Variants in SOX6 observed in about 807,000 individuals in gnomAD.
The protein encoded by SOX6 is SRY-box transcription factor 6.
SOX6 carries 11 observed loss-of-function variants against 97.8 expected under a neutral mutation model. The observed-to-expected ratio is 0.11, with a 90% CI of 0.07 to 0.19. The LOEUF is 0.19. Among genes scored for constraint, SOX6 ranks in the 10% least tolerant of loss-of-function variants. The pLI is 1.00. For missense variants in SOX6, 810 were observed against 1,039.5 expected (o/e 0.78, Z 3.04); for synonymous variants, 360 against 371.4 (o/e 0.97, Z 0.35).
intron 2 of SOX6, among the ~76,000 whole-genome samples, chr11:16,321,052 A>T (rs1418919191): frequency 6.6e-6 from 1 of 152,110 alleles, no homozygotes. Context: ...GATGCCAGTC[A>T]TGGCTAGTAT....
At chr11:16,391,597 T>C (rs980605348) in intron 1 of SOX6, among the ~76,000 whole-genome samples, 3 of 152,092 alleles carry the variant, frequency 2.0e-5, no homozygotes, top group South Asian at 2.1e-4. Context: ...TAAAGAACAA[T>C]GGGTGAAAGA....
chr11:16,233,151 A>G (rs1460237230), intron 4 of SOX6, among the ~76,000 whole-genome samples: 1 of 152,170 alleles, frequency 6.6e-6, no homozygotes, highest in South Asian at 2.1e-4. Context: ...CTTAACTCAG[A>G]TATTATCCAT....
chr11:16,634,952 T>G (rs991418221), intron 3 of SOX6, among the ~76,000 whole-genome samples: 3 of 152,202 alleles, frequency 2.0e-5, no homozygotes, highest in Non-Finnish European at 4.4e-5. Flanking sequence ...TTCTCCTTGC[T>G]GCAACCATGT....
At chr11:16,033,940 AAAG>A (rs1855451988) in intron 12 of SOX6, among the ~76,000 whole-genome samples, 1 of 152,086 alleles carries the variant, frequency 6.6e-6, no homozygotes, top group African/African-American at 2.4e-5. Flanking sequence ...AAGAAAAGAA[AAAG>A]AAGCAGAGAA....
intron 1 of SOX6, among the ~76,000 whole-genome samples, chr11:16,387,495 G>A (rs1858025276): frequency 1.3e-5 from 2 of 151,932 alleles, no homozygotes; most frequent in Admixed American, 1.3e-4. Flanking sequence ...CCAGATAGTG[G>A]CAAGCATGAT....
chr11:16,348,266 T>C (rs549124987), intron 1 of SOX6, among the ~76,000 whole-genome samples: 1 of 152,254 alleles, frequency 6.6e-6, no homozygotes, highest in East Asian at 1.9e-4. Context: ...CTCTTAGTAC[T>C]GTGAGTTAGT....
intron 6 of SOX6, among the ~76,000 whole-genome samples, chr11:16,132,548 T>C (rs930102725): frequency 1.3e-5 from 2 of 151,142 alleles, no homozygotes; most frequent in East Asian, 3.9e-4. Context: ...ATGATAAAGG[T>C]TTTTCTTTCT....
chr11:16,594,684 CTTTTTTTT>C lies in SOX6; in HGVS notation n.609+17389_609+17396del, dbSNP rs10653599. 8.8e-5 allele frequency among the ~76,000 whole-genome samples: 6 copies of C among 68,266 alleles called. No homozygotes were observed. In the Admixed American group the frequency reaches 1.1e-3, roughly 13 times the overall value. 44.8% of individuals were successfully genotyped at this position (68,266 alleles called of 152,430 possible). On this transcript the variant is annotated intron_variant and non_coding_transcript_variant, in intron 4 of 5. Coordinates refer to the SOX6 transcript ENST00000524520. ...ATTTTTATTTTCTTTTCGGTTTTTGCTTTTTTTTTTTTTTTTTTTTTTTTTAGACAGGG... is the reference window on the plus strand; with the variant it reads ...ATTTTTATTTTCTTTTCGGTTTTTGCTTTTTTTTTTTTTTTTTAGACAGGG...
intron 6 of SOX6, among the ~76,000 whole-genome samples, chr11:16,129,609 G>A (rs1849691323): frequency 6.6e-6 from 1 of 152,080 alleles, no homozygotes; most frequent in East Asian, 1.9e-4. Flanking sequence ...ATGACCAAGT[G>A]AGGTTTATTG....
intron 6 of SOX6, among the ~76,000 whole-genome samples, chr11:16,125,009 C>CAAGT (rs2134011794): frequency 6.6e-6 from 1 of 152,074 alleles, no homozygotes; most frequent in Admixed American, 6.6e-5. Context: ...AAACATCTTG[C>CAAGT]AAGTAGAAGC....
At chr11:16,654,319 C>A (rs1266374683) in intron 3 of SOX6, among the ~76,000 whole-genome samples, 9 of 152,134 alleles carry the variant, frequency 5.9e-5, no homozygotes, top group Non-Finnish European at 1.2e-4. Context: ...CAGGCACATA[C>A]CGCCATGCTT....
intron 6 of SOX6, among the ~76,000 whole-genome samples, chr11:16,112,927 T>C (rs574040403): frequency 6.6e-6 from 1 of 152,288 alleles, no homozygotes; most frequent in South Asian, 2.1e-4. Context: ...AAATTATCTT[T>C]AAGTTCAAAC....
chr11:16,482,840 T>C (rs1444980087), intron 4 of SOX6, among the ~76,000 whole-genome samples: 1 of 152,196 alleles, frequency 6.6e-6, no homozygotes, highest in African/African-American at 2.4e-5. Context: ...ATTTTTACTG[T>C]TTCATCTACA....
chr11:16,468,228 C>T (rs1195882424), intron 1 of SOX6, among the ~76,000 whole-genome samples: 1 of 152,052 alleles, frequency 6.6e-6, no homozygotes, highest in African/African-American at 2.4e-5. Context: ...ACTTTAACTA[C>T]AGTACTATAA....
chr11:16,064,855 A>C (rs1470225880), intron 9 of SOX6, among the ~76,000 whole-genome samples: 9 of 152,006 alleles, frequency 5.9e-5, no homozygotes, highest in Non-Finnish European at 1.3e-4. Context: ...TGGGGATAGA[A>C]GGAATATGCC....
At chr11:16,132,156 C>A (rs918923772) in intron 6 of SOX6, among the ~76,000 whole-genome samples, 1 of 150,156 alleles carries the variant, frequency 6.7e-6, no homozygotes. Context: ...CTATACCAAG[C>A]AAGTGGCAGA....
At chr11:16,387,029 C>A (rs955945841) in intron 1 of SOX6, among the ~76,000 whole-genome samples, 1 of 152,116 alleles carries the variant, frequency 6.6e-6, no homozygotes, top group Non-Finnish European at 1.5e-5. Flanking sequence ...TTAGTCTTCA[C>A]GTAAACATCC....
chr11:16,592,577 C>T (rs943380379), intron 4 of SOX6, among the ~76,000 whole-genome samples: 9 of 151,860 alleles, frequency 5.9e-5, no homozygotes, highest in Non-Finnish European at 1.3e-4. Flanking sequence ...TTTAACACCT[C>T]CCTTACTAAA....
chr11:16,645,261 T>C (rs1848995493), intron 3 of SOX6, among the ~76,000 whole-genome samples: 1 of 152,214 alleles, frequency 6.6e-6, no homozygotes, highest in African/African-American at 2.4e-5. Flanking sequence ...TTTGCACAAA[T>C]CGCAAGTTCA....
Sources: allele counts gnomAD v4.1 joint callset (sites outside exome capture counted in the v4.1 genomes callset), GRCh38; gene constraint gnomAD v4.1.1; transcripts MANE v1.5; gene names NCBI Gene and HGNC (gene_info 2026-07-23, HGNC 2026-07-21).